Variants in HEMK2 observed in about 807,000 individuals in gnomAD.
HEMK2 encodes methyltransferase HEMK2.
the HEMK2 span, among the ~76,000 whole-genome samples, chr21:28,837,154 A>C: frequency 6.6e-6 from 1 of 152,242 alleles, no homozygotes. Context: ...GAAAGTCAAC[A>C]AAGAAACAAT....
At chr21:28,807,092 C>A in the HEMK2 span, among the ~76,000 whole-genome samples, 1 of 152,142 alleles carries the variant, frequency 6.6e-6, no homozygotes, top group South Asian at 2.1e-4. Context: ...TATCATATGA[C>A]TTCCAAAGGT....
the HEMK2 span, among the ~76,000 whole-genome samples, chr21:28,648,835 G>A: frequency 3.6e-4 from 54 of 152,030 alleles, no homozygotes; most frequent in Non-Finnish European, 5.7e-4. Context: ...TGCACAACGT[G>A]CAGGTTAGCT....
At chr21:28,639,180 G>C in the HEMK2 span, among the ~76,000 whole-genome samples, 1 of 152,142 alleles carries the variant, frequency 6.6e-6, no homozygotes, top group Non-Finnish European at 1.5e-5. Flanking sequence ...TGGATAAAAT[G>C]GTAGAATTTC....
chr21:28,734,623 T>C, the HEMK2 span, among the ~76,000 whole-genome samples: 2 of 152,134 alleles, frequency 1.3e-5, no homozygotes, highest in African/African-American at 2.4e-5. Context: ...ATAATCCTGA[T>C]TGAACCCATG....
At chr21:28,841,331 AAAT>A in the HEMK2 span, among the ~76,000 whole-genome samples, 2 of 12,070 alleles carry the variant, frequency 1.7e-4, no homozygotes, top group Non-Finnish European at 2.3e-4. Context: ...TATTATATAT[AAAT>A]ATATATTATA....
At chr21:28,807,933 GAA>G in the HEMK2 span, among the ~76,000 whole-genome samples, 2 of 152,152 alleles carry the variant, frequency 1.3e-5, no homozygotes, top group Non-Finnish European at 2.9e-5. Flanking sequence ...GAGGTGATGT[GAA>G]AGAGTCTTCT....
the HEMK2 span, among the ~76,000 whole-genome samples, chr21:28,745,601 C>A: frequency 6.6e-6 from 1 of 152,198 alleles, no homozygotes; most frequent in South Asian, 2.1e-4. Flanking sequence ...TATCTCACCT[C>A]ACCAGCAGTT....
chr21:28,609,034 C>G, the HEMK2 span, among the ~76,000 whole-genome samples: 2 of 152,342 alleles, frequency 1.3e-5, no homozygotes, highest in Admixed American at 1.3e-4. Flanking sequence ...CACCCACCAC[C>G]TGTTCCTTCC....
chr21:28,687,865 T>C, the HEMK2 span, among the ~76,000 whole-genome samples: 2 of 152,214 alleles, frequency 1.3e-5, no homozygotes, highest in Non-Finnish European at 2.9e-5. Flanking sequence ...GCCCAACATT[T>C]TGTGCATTTA....
chr21:28,623,749 C>A, the HEMK2 span, among the ~76,000 whole-genome samples: 1 of 152,116 alleles, frequency 6.6e-6, no homozygotes, highest in Admixed American at 6.5e-5. Flanking sequence ...AACCAAACAC[C>A]GCATGTTCTC....
At chr21:28,735,937 T>C in the HEMK2 span, among the ~76,000 whole-genome samples, 1 of 152,256 alleles carries the variant, frequency 6.6e-6, no homozygotes, top group African/African-American at 2.4e-5. Context: ...TTCAGCCTCC[T>C]GCGGAAGCCT....
the HEMK2 span, among the ~76,000 whole-genome samples, chr21:28,687,787 C>T: frequency 1.5e-3 from 226 of 152,202 alleles, 1 homozygote; most frequent in Non-Finnish European, 3.0e-3. Context: ...TGGCTTAATG[C>T]CAGGAAAAGC....
the HEMK2 span, among the ~76,000 whole-genome samples, chr21:28,626,156 G>C: frequency 3.9e-5 from 6 of 152,046 alleles, no homozygotes; most frequent in Non-Finnish European, 8.8e-5. Flanking sequence ...TTAAATGGTG[G>C]ACTTTTTATG....
At chr21:28,884,857 T>C in the HEMK2 span, among the ~76,000 whole-genome samples, 1 of 152,228 alleles carries the variant, frequency 6.6e-6, no homozygotes, top group South Asian at 2.1e-4. Flanking sequence ...AAAATATTAA[T>C]AAGCAATGTT....
chr21:28,586,194 T>TA, the HEMK2 span, among the ~76,000 whole-genome samples: 2 of 152,166 alleles, frequency 1.3e-5, no homozygotes, highest in African/African-American at 4.8e-5. Flanking sequence ...TAAAAAAACT[T>TA]AAATTAGTGG....
At chr21:28,698,446 T>C in the HEMK2 span, among the ~76,000 whole-genome samples, 1 of 152,208 alleles carries the variant, frequency 6.6e-6, no homozygotes, top group Non-Finnish European at 1.5e-5. Context: ...ATTATAATTG[T>C]AATTACTTGT....
chr21:28,868,355 C>T, the HEMK2 span, among the ~76,000 whole-genome samples: 1 of 152,144 alleles, frequency 6.6e-6, no homozygotes, highest in Non-Finnish European at 1.5e-5. Context: ...TAGTCATAAA[C>T]ATAAAATAAC....
the HEMK2 span, among the ~76,000 whole-genome samples, chr21:28,626,100 T>C: frequency 1.3e-5 from 2 of 152,210 alleles, no homozygotes; most frequent in East Asian, 1.9e-4. Context: ...GTTGTTCTTA[T>C]AATTTCCTTA....
chr21:28,839,339 C>T, the HEMK2 span, among the ~76,000 whole-genome samples: 2 of 152,046 alleles, frequency 1.3e-5, no homozygotes, highest in Admixed American at 1.3e-4. Flanking sequence ...CTCACCACTC[C>T]TCTTCAACAT....
Sources: gnomAD v4.1 joint callset for allele counts (sites outside exome capture counted in the v4.1 genomes callset) on GRCh38, gnomAD v4.1.1 for gene constraint, MANE v1.5 for transcripts, NCBI Gene and HGNC (gene_info 2026-07-23, HGNC 2026-07-21) for gene names.